SLC4A4: variants seen among roughly 807,000 people sequenced by gnomAD.
SLC4A4 encodes electrogenic sodium bicarbonate cotransporter 1.
SLC4A4 carries 27 observed loss-of-function variants against 111.5 expected under a neutral mutation model. The ratio of observed to expected loss-of-function variants is 0.24; its 90% CI spans 0.18 to 0.33. The LOEUF (loss-of-function observed/expected upper bound fraction) is 0.33. SLC4A4 is among the 10% of genes least tolerant of loss of function. The pLI, the probability that SLC4A4 is intolerant of heterozygous loss-of-function variation, is 1.00. For missense variants in SLC4A4, 909 were observed against 1,315.5 expected, an observed-to-expected ratio of 0.69 and a Z score of 4.78; for synonymous variants, 443 against 463.4, an observed-to-expected ratio of 0.96 and a Z score of 0.57.
At chr4:71,538,742 C>T (rs976591598) in intron 18 of SLC4A4, among the ~76,000 whole-genome samples, 3 of 151,974 alleles carry the variant, frequency 2.0e-5, no homozygotes, top group African/African-American at 7.3e-5. Flanking sequence ...GGGATGGGAT[C>T]CACCTTTCCA....
chr4:71,179,989 G>T (rs1250869134), intron 2 of SLC4A4, among the ~76,000 whole-genome samples: 3 of 152,140 alleles, frequency 2.0e-5, no homozygotes, highest in African/African-American at 4.8e-5. Context: ...AAATGGTACT[G>T]GTACCAAAAC....
intron 16 of SLC4A4, among the ~76,000 whole-genome samples, chr4:71,526,771 G>GACT (rs1733455989): frequency 6.6e-6 from 1 of 152,048 alleles, no homozygotes; most frequent in Non-Finnish European, 1.5e-5. Context: ...GTGTGGGCAG[G>GACT]ACTGCATTCC....
rs574706993 is a variant in SLC4A4 at position 71,503,369 on chromosome 4, A to G, written c.2166+5677A>G. On this transcript the variant is annotated intron_variant, in intron 16 of 25. Transcript: ENST00000264485. ...TCATTTTGTTAATTGTACTTTAATT[A>G]TTTTAATATCCTTCATTCTTTTCTT... Among the ~76,000 whole-genome samples, 12 of 151,510 alleles carry G rather than the reference A, an allele frequency of 7.9e-5. No homozygotes were observed. The South Asian group carries it at 2.1e-3, about 26-fold the overall frequency.
intron 1 of SLC4A4, among the ~76,000 whole-genome samples, chr4:71,068,455 C>T (rs1445769170): frequency 6.6e-6 from 1 of 152,140 alleles, no homozygotes; most frequent in African/African-American, 2.4e-5. Context: ...TACCGTCAGA[C>T]TCTCAGGTGT....
At chr4:71,309,771 T>G (rs1278927881) in intron 3 of SLC4A4, among the ~76,000 whole-genome samples, 8 of 152,102 alleles carry the variant, frequency 5.3e-5, no homozygotes, top group Admixed American at 5.2e-4. Flanking sequence ...AGAATGCCTC[T>G]TCTCCTTCAA....
At chr4:71,445,858 G>A (rs185753048) in intron 8 of SLC4A4, among the ~76,000 whole-genome samples, 59 of 152,252 alleles carry the variant, frequency 3.9e-4, no homozygotes, top group East Asian at 1.3e-3. Context: ...AATACTATAC[G>A]TAGTGGCATA....
intron 7 of SLC4A4, among the ~76,000 whole-genome samples, chr4:71,410,088 T>A (rs916632384): frequency 7.9e-5 from 12 of 152,172 alleles, no homozygotes; most frequent in Non-Finnish European, 1.2e-4. Context: ...AAAAGTTTGC[T>A]GCAGGGGTGG....
chr4:71,230,827 G>C (rs1183689295), intron 1 of SLC4A4, among the ~76,000 whole-genome samples: 2 of 152,208 alleles, frequency 1.3e-5, no homozygotes, highest in Non-Finnish European at 2.9e-5. Flanking sequence ...ACACCAGCCA[G>C]TGTGTCAAGG....
intron 2 of SLC4A4, among the ~76,000 whole-genome samples, chr4:71,164,250 G>T (rs1160886779): frequency 6.6e-6 from 1 of 152,006 alleles, no homozygotes; most frequent in Non-Finnish European, 1.5e-5. Context: ...GCATGGTGAC[G>T]CATGACTGTA....
intron 2 of SLC4A4, among the ~76,000 whole-genome samples, chr4:71,121,977 C>T (rs1342608509): frequency 6.6e-6 from 1 of 152,076 alleles, no homozygotes; most frequent in Non-Finnish European, 1.5e-5. Flanking sequence ...AGACGCGCTT[C>T]CTTAAGAGCT....
At chr4:71,087,450 T>C (rs533253180) in intron 1 of SLC4A4, among the ~76,000 whole-genome samples, 2 of 152,176 alleles carry the variant, frequency 1.3e-5, no homozygotes, top group Admixed American at 6.5e-5. Flanking sequence ...CTGCTAGCTT[T>C]GGAATGTGTT....
At chr4:71,358,248 G>A (rs1730461537) in intron 6 of SLC4A4, among the ~76,000 whole-genome samples, 1 of 151,818 alleles carries the variant, frequency 6.6e-6, no homozygotes, top group South Asian at 2.1e-4. Flanking sequence ...CCGGGAGGGG[G>A]AGGTTGCAGT....
At chr4:71,422,819 G>A (rs965577444) in intron 7 of SLC4A4, among the ~76,000 whole-genome samples, 1 of 152,094 alleles carries the variant, frequency 6.6e-6, no homozygotes, top group African/African-American at 2.4e-5. Context: ...AATAAATTAG[G>A]TATTGATGGG....
upstream of SLC4A4, among the ~76,000 whole-genome samples, chr4:71,184,211 T>C (rs1185821764): frequency 6.6e-6 from 1 of 152,204 alleles, no homozygotes; most frequent in Non-Finnish European, 1.5e-5. Flanking sequence ...ATCGGCACCT[T>C]ACTTTCAATA....
chr4:71,080,350 TG>T (rs1438712367), intron 1 of SLC4A4, among the ~76,000 whole-genome samples: 1 of 152,060 alleles, frequency 6.6e-6, no homozygotes, highest in Non-Finnish European at 1.5e-5. Flanking sequence ...TGTCAACTGA[TG>T]GGACCCCTTA....
intron 18 of SLC4A4, among the ~76,000 whole-genome samples, chr4:71,538,965 T>C (rs1734805118): frequency 6.6e-6 from 1 of 152,004 alleles, no homozygotes; most frequent in South Asian, 2.1e-4. Context: ...TCAGAGATAC[T>C]TCTCACAAGG....
At chr4:71,532,002 C>A in intron 16 of SLC4A4, 60 bp from the exon 17 acceptor site, 1 of 984,226 alleles carries the variant, frequency 1.0e-6, no homozygotes, top group Non-Finnish European at 1.6e-6. Context: ...TCAGTTCAAA[C>A]ACAGACAAAT....
intron 2 of SLC4A4, among the ~76,000 whole-genome samples, chr4:71,137,952 A>G (rs1041190164): frequency 2.0e-5 from 3 of 152,208 alleles, no homozygotes; most frequent in African/African-American, 7.2e-5. Context: ...GAGAAAATGC[A>G]CTGGGGGCTT....
At chr4:71,444,317 G>A (rs531090916) in intron 8 of SLC4A4, among the ~76,000 whole-genome samples, 3 of 152,068 alleles carry the variant, frequency 2.0e-5, no homozygotes, top group Admixed American at 1.3e-4. Flanking sequence ...GGCATCTTCC[G>A]CAGGCATAAT....
Sources: allele counts gnomAD v4.1 joint callset (sites outside exome capture counted in the v4.1 genomes callset), GRCh38; gene constraint gnomAD v4.1.1; transcripts MANE v1.5; gene names NCBI Gene and HGNC (gene_info 2026-07-23, HGNC 2026-07-21).